IL7R: variants seen among roughly 807,000 people sequenced by gnomAD.
The protein encoded by IL7R is interleukin-7 receptor subunit alpha.
IL7R carries 38 observed loss-of-function variants against 47.0 expected under a neutral mutation model. The ratio of observed to expected loss-of-function variants is 0.81; its 90% CI spans 0.62 to 1.06. IL7R has a LOEUF of 1.06. IL7R is among the 50% of genes least tolerant of loss of function. The pLI is 0.00. For synonymous variants in IL7R, 221 were observed against 199.8 expected, an observed-to-expected ratio of 1.11 and a Z score of -0.89; for missense variants, 633 against 534.8, an observed-to-expected ratio of 1.18 and a Z score of -1.81.
Position 35,871,216 on chromosome 5 carries a change from A to T in IL7R, c.537+3A>T, listed in dbSNP as rs747091532. 1 of 1,608,034 alleles carries T rather than the reference A, an allele frequency of 6.2e-7. No homozygotes were observed. Among genetic ancestry groups the T allele is most frequent in the South Asian group, 1.1e-5 (1 of 90,950 alleles). On this transcript the variant is annotated splice_donor_region_variant and intron_variant, in intron 4 of 7. Transcript: ENST00000303115. Reference sequence around the variant, plus strand: ...AAAAGGATGAAAACAAATGGACGGTATGTAGTTCAACTACATTAATAAAAT... The same window carrying T: ...AAAAGGATGAAAACAAATGGACGGTTTGTAGTTCAACTACATTAATAAAAT...
At position 35,873,584 on chromosome 5, in the gene IL7R, A is replaced by G. The variant is rs1441483719; in HGVS notation, c.642A>G (p.Lys214=). ...KVRSIPDHYF[K]GFWSEWSPSY... is the part of the protein sequence containing the mutation. Reference sequence around the variant, plus strand: ...GATCCATCCCTGATCACTATTTTAAAGGCTTCTGGAGTGAATGGAGTCCAA... The same window carrying G: ...GATCCATCCCTGATCACTATTTTAAGGGCTTCTGGAGTGAATGGAGTCCAA... Residue 214 remains lysine (K), a synonymous_variant, in exon 5 of 8, where the codon AAA becomes AAG. Coordinates refer to ENST00000303115, the MANE Select transcript of IL7R (RefSeq NM_002185.5). 6.2e-7 allele frequency: 1 copy of G among 1,614,022 alleles called. No individual in the cohort carries two copies. The highest frequency in any genetic ancestry group is 2.2e-5 in the East Asian group (1 of 44,888).
rs1474294679 is a variant in IL7R, at chr5:35,876,243, C to A, written c.1137C>A (p.Ala379=). The part of the protein sequence containing the change: ...CLAGNVSACD[A]PILSSSRSLD... ...CTGGGAATGTCAGTGCATGTGACGC[C>A]CCTATTCTCTCCTCTTCCAGGTCCC... is the stretch of plus-strand genomic sequence containing the variant. Residue 379 remains alanine, a synonymous_variant, in exon 8 of 8, where the codon GCC becomes GCA. Transcript: ENST00000303115. The A allele has an allele frequency of 6.2e-7, 1 of 1,614,080 alleles. No individual in the cohort carries two copies. Among genetic ancestry groups the A allele is most frequent in the South Asian group, 1.1e-5 (1 of 91,074 alleles).
At chr5:35,864,564 C>T (rs185575276) in intron 2 of IL7R, among the ~76,000 whole-genome samples, 3 of 152,210 alleles carry the variant, frequency 2.0e-5, no homozygotes, top group Non-Finnish European at 4.4e-5. Flanking sequence ...GTTTTTAATT[C>T]GCATTTGTCA....
rs1415798252 is a variant in IL7R at position 35,875,994 on chromosome 5, G to C, written c.888G>C (p.Val296=). ...CTTTTTCTGTGCAGAATTTAAATGT[G>C]AGTTTCAATCCTGAAAGTTTCCTGG... The part of the protein sequence containing the change: ...LCKKPRKNLN[V]SFNPESFLDC... Residue 296 remains valine (V), a synonymous_variant, in exon 8 of 8, where the codon GTG becomes GTC. Coordinates refer to ENST00000303115, the MANE Select transcript of IL7R (RefSeq NM_002185.5). 6.2e-7 allele frequency: 1 copy of C among 1,612,598 alleles called. No homozygotes were observed. Among genetic ancestry groups the C allele is most frequent in the South Asian group, 1.1e-5 (1 of 91,070 alleles).
rs1760250609 is a variant in IL7R at position 35,877,653 on chromosome 5, T to C, written c.*1167T>C. The stretch of plus-strand genomic sequence containing the variant: ...TAAATTGTCCCAAGTTCTCCAGCAA[T>C]AGAGGCTGCCACAAACTTCAGGGAG... On this transcript the variant is annotated 3_prime_UTR_variant, in exon 8 of 8. Coordinates refer to ENST00000303115, the MANE Select transcript of IL7R (RefSeq NM_002185.5). 4.3e-6 allele frequency: 1 copy of C among 233,136 alleles called. No individual in the cohort carries two copies. The highest frequency in any genetic ancestry group is 5.6e-5 in the Admixed American group (1 of 17,774). The allele number at this position is 233,136 out of a possible 1,614,324, so 14.4% of individuals were successfully genotyped here. A position where few individuals can be genotyped will look rare whatever the true frequency, so the allele number is the denominator to read the frequency against.
chr5:35,864,386 A>G (rs988388267), intron 2 of IL7R, among the ~76,000 whole-genome samples: 2 of 152,130 alleles, frequency 1.3e-5, no homozygotes, highest in African/African-American at 4.8e-5. Flanking sequence ...TCTGGGGTAT[A>G]AAACCTCAGA....
intron 7 of IL7R, 55 bp from the exon 8 acceptor site, chr5:35,875,928 T>G: frequency 6.3e-7 from 1 of 1,579,704 alleles, no homozygotes; most frequent in Non-Finnish European, 8.6e-7. Flanking sequence ...ACTGAACATT[T>G]GATGGTGTGT....
intron 2 of IL7R, among the ~76,000 whole-genome samples, chr5:35,864,413 A>G (rs1270503918): frequency 6.6e-6 from 1 of 152,160 alleles, no homozygotes; most frequent in Non-Finnish European, 1.5e-5. Context: ...TTGCTGTGTC[A>G]TAAGGTAAGC....
intron 1 of IL7R, among the ~76,000 whole-genome samples, chr5:35,858,909 C>A (rs11567699): frequency 6.6e-6 from 1 of 152,028 alleles, no homozygotes; most frequent in Non-Finnish European, 1.5e-5. Context: ...TTTAAACGCA[C>A]ATCTGTCCAG....
chr5:35,871,954 C>T (rs920541737), intron 4 of IL7R, among the ~76,000 whole-genome samples: 1 of 152,084 alleles, frequency 6.6e-6, no homozygotes, highest in East Asian at 1.9e-4. Flanking sequence ...CCTGTTTTTT[C>T]AGGCCAAGAT....
rs1014376304 is a variant in IL7R at position 35,878,297 on chromosome 5, C to G, written c.*1811C>G. 1 of 233,128 alleles carries G rather than the reference C, an allele frequency of 4.3e-6. No individual in the cohort carries two copies. Among genetic ancestry groups the G allele is most frequent in the African/African-American group, 2.2e-5 (1 of 45,342 alleles). The allele number at this position is 233,128 out of a possible 1,614,324, so 14.4% of individuals were successfully genotyped here. A position where few individuals can be genotyped will look rare whatever the true frequency, so the allele number is the denominator to read the frequency against. Reference sequence around the variant, plus strand: ...ACTTCCATAAGCATTCCTTCCACCTCCTTGATAGGCATTTATGGAAAGCCT... The same window carrying G: ...ACTTCCATAAGCATTCCTTCCACCTGCTTGATAGGCATTTATGGAAAGCCT... On this transcript the variant is annotated 3_prime_UTR_variant, in exon 8 of 8. Transcript: ENST00000303115.
chr5:35,872,208 A>C (rs1453180847), intron 4 of IL7R, among the ~76,000 whole-genome samples: 2 of 152,124 alleles, frequency 1.3e-5, no homozygotes, highest in East Asian at 3.9e-4. Flanking sequence ...TAAATACATG[A>C]ATTTTTTTGA....
At chr5:35,875,119 G>T (rs915506935) in intron 6 of IL7R, among the ~76,000 whole-genome samples, 3 of 152,182 alleles carry the variant, frequency 2.0e-5, no homozygotes, top group African/African-American at 7.2e-5. Flanking sequence ...AGCTGCCAGA[G>T]TTGCTGTCAG....
chr5:35,874,823 C>G (rs893939772), intron 6 of IL7R, among the ~76,000 whole-genome samples: 2 of 152,208 alleles, frequency 1.3e-5, no homozygotes, highest in African/African-American at 4.8e-5. Context: ...GTTGCAGAAG[C>G]CATCATTCAT....
rs543215094 is a variant in IL7R, at chr5:35,859,268, C to T, written c.83-1584C>T. 1.9e-4 allele frequency among the ~76,000 whole-genome samples: 29 copies of T among 152,166 alleles called. 1 individual carries two copies. Among genetic ancestry groups the T allele is most frequent in the Middle Eastern group, 6.8e-3 (2 of 294 alleles). On this transcript the variant is annotated intron_variant, in intron 1 of 7. Transcript: ENST00000303115. ...TATTGAAGAATCGTGAAGACAAAGC[C>T]GACCCACAGGATGTCTGAATCCAAA... is the stretch of plus-strand genomic sequence containing the variant.
At chr5:35,857,161 T>C in intron 1 of IL7R, 102 bp downstream of exon 1, 5 of 772,542 alleles carry the variant, frequency 6.5e-6, no homozygotes, top group Non-Finnish European at 1.2e-5. Flanking sequence ...TGGGTTTGAA[T>C]GCAGTTTGAG....
At position 35,879,529 on chromosome 5, in the gene IL7R, C is replaced by T. The variant is rs1760300896; in HGVS notation, c.*3043C>T. Reference sequence around the variant, plus strand: ...ATCCACATGCATTACAAACATTTCGCAGAGCTGCTTAGTATATAAGCGTAC... The same window carrying T: ...ATCCACATGCATTACAAACATTTCGTAGAGCTGCTTAGTATATAAGCGTAC... On this transcript the variant is annotated 3_prime_UTR_variant, in exon 8 of 8. Transcript: ENST00000303115. 4.3e-6 allele frequency: 1 copy of T among 229,994 alleles called. No individual in the cohort carries two copies. Among genetic ancestry groups the T allele is most frequent in the African/African-American group, 2.2e-5 (1 of 45,148 alleles). The allele number at this position is 229,994 out of a possible 1,614,324, so 14.2% of individuals were successfully genotyped here.
At position 35,877,581 on chromosome 5, in the gene IL7R, T is replaced by C. The variant is rs1472466263; in HGVS notation, c.*1095T>C. On this transcript the variant is annotated 3_prime_UTR_variant, in exon 8 of 8. Transcript: ENST00000303115. Reference sequence around the variant, plus strand: ...TACGTTTGACGAGTGAGAGGAGGCATGACCCCTCCCATGTGTATAGACACT... The same window carrying C: ...TACGTTTGACGAGTGAGAGGAGGCACGACCCCTCCCATGTGTATAGACACT... The C allele has an allele frequency of 1.3e-5, 3 of 233,014 alleles. No homozygotes were observed. The highest frequency in any genetic ancestry group is 6.6e-5 in the African/African-American group (3 of 45,320). The allele number at this position is 233,014 out of a possible 1,614,324, so 14.4% of individuals were successfully genotyped here.
Position 35,860,358 on chromosome 5 carries a change from TC to T in IL7R, c.83-493del, listed in dbSNP as rs1759770230. On this transcript the variant is annotated intron_variant, in intron 1 of 7. Coordinates refer to ENST00000303115, the MANE Select transcript of IL7R (RefSeq NM_002185.5). ...CAAAATTCTGACTGCAAGATAGCTATCATTGTCCTTCATTTAAGACAAAAAA... is the reference window on the plus strand; with the variant it reads ...CAAAATTCTGACTGCAAGATAGCTATATTGTCCTTCATTTAAGACAAAAAA... Among the ~76,000 whole-genome samples the T allele has an allele frequency of 2.0e-5, 3 of 152,144 alleles. No individual in the cohort carries two copies. The South Asian group carries it at 6.2e-4, about 31-fold the overall frequency.
Sources: gnomAD v4.1 joint callset for allele counts (sites outside exome capture counted in the v4.1 genomes callset) on GRCh38, gnomAD v4.1.1 for gene constraint, MANE v1.5 for transcripts, NCBI Gene and HGNC (gene_info 2026-07-23, HGNC 2026-07-21) for gene names.